The following CATSPERB variants were observed in gnomAD, a reference collection of about 807,000 sequenced individuals.
CATSPERB encodes the protein catsper channel auxiliary subunit beta.
Under a neutral mutation model 128.3 loss-of-function variants are expected in CATSPERB, and 93 were observed. The observed-to-expected ratio is 0.72, with a 90% confidence interval of 0.61 to 0.86. CATSPERB has a LOEUF of 0.86. CATSPERB is among the 40% of genes least tolerant of loss of function. The probability of loss-of-function intolerance (pLI) is 0.00; values close to 1 mark genes in which losing one functional copy is unlikely to be tolerated. For missense variants in CATSPERB, 1,153 were observed against 1,329.5 expected (o/e 0.87, Z 2.06); for synonymous variants, 381 against 448.8 (o/e 0.85, Z 1.91).
chr14:91,693,103 T>A, intron 9 of CATSPERB, 23 bp downstream of exon 9: 1 of 1,409,906 alleles, frequency 7.1e-7, no homozygotes, highest in Non-Finnish European at 1.0e-6. Context: ...GATTAGCTAT[T>A]AGTTACAAAG....
In CATSPERB at chr14:91,649,219, T is replaced by G. The variant is rs117341254; in HGVS notation, c.1433-9969A>C. Among the ~76,000 whole-genome samples the G allele has an allele frequency of 1.9e-3, 296 of 152,310 alleles. 1 individual carries two copies. Among genetic ancestry groups the G allele is most frequent in the Non-Finnish European group, 3.3e-3 (224 of 68,014 alleles). On this transcript the variant is annotated intron_variant, in intron 15 of 26. Coordinates refer to ENST00000256343, the MANE Select transcript of CATSPERB (RefSeq NM_024764.4). ...CAGCTCTACTTTTGGTTATTCTATT[T>G]TATGCTTTGTACATTTTCTGCTATG... is the stretch of plus-strand genomic sequence containing the variant.
intron 2 of CATSPERB, among the ~76,000 whole-genome samples, chr14:91,727,484 T>C (rs2139784486): frequency 6.6e-6 from 1 of 152,356 alleles, no homozygotes; most frequent in South Asian, 2.1e-4. Context: ...ATTCTTGAAA[T>C]TCTATAAGTA....
intron 7 of CATSPERB, among the ~76,000 whole-genome samples, chr14:91,698,929 C>G (rs1191121500): frequency 6.6e-6 from 1 of 152,184 alleles, no homozygotes; most frequent in Non-Finnish European, 1.5e-5. Context: ...TAGCTTAGCT[C>G]CCACTTATAA....
intron 17 of CATSPERB, among the ~76,000 whole-genome samples, chr14:91,628,036 A>T (rs1224665507): frequency 2.6e-5 from 4 of 152,226 alleles, no homozygotes. Context: ...ATTAAGAATC[A>T]TTCTGCCCTT....
intron 22 of CATSPERB, among the ~76,000 whole-genome samples, chr14:91,596,494 C>T (rs1893508311): frequency 6.6e-6 from 1 of 152,154 alleles, no homozygotes; most frequent in East Asian, 1.9e-4. Flanking sequence ...TGAACCACCA[C>T]ACCTGGCCTA....
chr14:91,591,452 G>A lies in CATSPERB; in HGVS notation c.2820+440C>T, dbSNP rs112118079. Among the ~76,000 whole-genome samples the A allele has an allele frequency of 2.2e-3, 336 of 151,880 alleles. 1 individual carries two copies. Among genetic ancestry groups the A allele is most frequent in the African/African-American group, 7.0e-3 (288 of 41,378 alleles). ...CTTCTCTTAACCAACATATTACACCGTCTTTCATTTGTGACTGTCAGCAGG... is the reference window on the plus strand; with the variant it reads ...CTTCTCTTAACCAACATATTACACCATCTTTCATTTGTGACTGTCAGCAGG... On this transcript the variant is annotated intron_variant, in intron 23 of 26. Transcript: ENST00000256343.
chr14:91,684,008 T>C, intron 10 of CATSPERB, 65 bp from the exon 11 acceptor site: 2 of 1,146,044 alleles, frequency 1.7e-6, no homozygotes, highest in South Asian at 3.1e-5. Flanking sequence ...AGATATAAGA[T>C]AGAAAAAACT....
At chr14:91,587,090 T>A in intron 26 of CATSPERB, 112 bp downstream of exon 26, 1 of 761,762 alleles carries the variant, frequency 1.3e-6, no homozygotes. Flanking sequence ...TCTTTAAGCC[T>A]TGTCCATCAC....
intron 7 of CATSPERB, among the ~76,000 whole-genome samples, chr14:91,699,757 G>A (rs1054455215): frequency 2.0e-5 from 3 of 151,830 alleles, no homozygotes; most frequent in South Asian, 2.1e-4. Context: ...TATTTTAGTA[G>A]AGATAGGATT....
chr14:91,714,617 T>C lies in CATSPERB; in HGVS notation c.370+4801A>G, dbSNP rs541092151. 1.8e-3 allele frequency among the ~76,000 whole-genome samples: 261 copies of C among 144,908 alleles called. 1 individual carries two copies. The highest frequency in any genetic ancestry group is 2.5e-3 in the Non-Finnish European group (168 of 66,836). ...CTCTGTCACCTAGTCTGGAGTGCAATGGTGCAATCTTGACTCACTGCAACC... is the reference window on the plus strand; with the variant it reads ...CTCTGTCACCTAGTCTGGAGTGCAACGGTGCAATCTTGACTCACTGCAACC... On this transcript the variant is annotated intron_variant, in intron 5 of 26. Transcript: ENST00000256343.
intron 14 of CATSPERB, among the ~76,000 whole-genome samples, chr14:91,668,564 C>G (rs1157443235): frequency 6.6e-6 from 1 of 152,146 alleles, no homozygotes; most frequent in Non-Finnish European, 1.5e-5. Flanking sequence ...TACTCGGGAC[C>G]CCTTCCATGC....
chr14:91,674,152 C>A (rs750638322), intron 12 of CATSPERB, 24 bp downstream of exon 12: 2 of 1,386,738 alleles, frequency 1.4e-6, no homozygotes, highest in Non-Finnish European at 2.0e-6. Flanking sequence ...AATTTCTTAA[C>A]TTATAAAATA....
rs528785612 is a variant in CATSPERB, at chr14:91,691,949, T to C, written c.832-394A>G. ...ATCCTAGCACTTTGGGAGGCCGCGA[T>C]AGGCGGATCACGAGGTCAGGAGTTT... is the stretch of plus-strand genomic sequence containing the variant. On this transcript the variant is annotated intron_variant, in intron 9 of 26. Transcript: ENST00000256343. Among the ~76,000 whole-genome samples the C allele has an allele frequency of 6.6e-5, 10 of 152,200 alleles. No individual in the cohort carries two copies. In the East Asian group the frequency reaches 1.7e-3, roughly 26 times the overall value.
intron 14 of CATSPERB, among the ~76,000 whole-genome samples, chr14:91,661,417 T>C (rs1295249756): frequency 6.6e-6 from 1 of 151,776 alleles, no homozygotes; most frequent in Non-Finnish European, 1.5e-5. Context: ...TTCACTGTTG[T>C]GAATAATACT....
chr14:91,658,110 C>A (rs954525208), intron 15 of CATSPERB, among the ~76,000 whole-genome samples: 3 of 152,120 alleles, frequency 2.0e-5, no homozygotes, highest in Admixed American at 1.3e-4. Context: ...CTATTCACAA[C>A]AGTGAAGCTT....
chr14:91,712,166 G>A (rs900023531), intron 5 of CATSPERB, among the ~76,000 whole-genome samples: 1 of 152,116 alleles, frequency 6.6e-6, no homozygotes, highest in Non-Finnish European at 1.5e-5. Context: ...TCATCAATAT[G>A]TTCTTGGAAA....
intron 17 of CATSPERB, among the ~76,000 whole-genome samples, chr14:91,626,509 A>T (rs1894166454): frequency 6.6e-6 from 1 of 151,966 alleles, no homozygotes; most frequent in South Asian, 2.1e-4. Context: ...GAATGGATGA[A>T]TGCCATTATT....
At chr14:91,618,387 T>C (rs1893984151) in intron 19 of CATSPERB, among the ~76,000 whole-genome samples, 1 of 152,208 alleles carries the variant, frequency 6.6e-6, no homozygotes, top group Admixed American at 6.5e-5. Flanking sequence ...CTCAGCCTCA[T>C]TTTACCCAGC....
At chr14:91,721,848 TAA>T (rs774942210) in intron 4 of CATSPERB, among the ~76,000 whole-genome samples, 18 of 112,244 alleles carry the variant, frequency 1.6e-4, no homozygotes, top group Admixed American at 4.7e-4. Flanking sequence ...AGACTCTGTC[TAA>T]AAAAAAAAAA....
Sources: allele counts gnomAD v4.1 joint callset (sites outside exome capture counted in the v4.1 genomes callset), GRCh38; gene constraint gnomAD v4.1.1; transcripts MANE v1.5; gene names NCBI Gene and HGNC (gene_info 2026-07-23, HGNC 2026-07-21).